The following ATP2B2 variants were observed in gnomAD, a reference collection of about 807,000 sequenced individuals.
The protein encoded by ATP2B2 is ATPase plasma membrane Ca2+ transporting 2, also known as plasma membrane calcium-transporting ATPase 2.
A neutral mutation model predicts 120.0 loss-of-function variants in ATP2B2; 15 were observed. The observed-to-expected ratio is 0.12, with a 90% CI of 0.08 to 0.19. The LOEUF is 0.19. ATP2B2 is among the 10% of genes least tolerant of loss of function. ATP2B2 has a pLI of 1.00. For synonymous variants in ATP2B2, 694 were observed against 700.3 expected (o/e 0.99, Z 0.14); for missense variants, 1,045 against 1,719.8 (o/e 0.61, Z 6.94).
chr3:10,326,954 G>A lies in ATP2B2; in HGVS notation c.*1860C>T, dbSNP rs1395504520. 1 of 398,484 alleles carries A rather than the reference G, an allele frequency of 2.5e-6. No individual in the cohort carries two copies. Among genetic ancestry groups the A allele is most frequent in the Non-Finnish European group, 4.4e-6 (1 of 226,066 alleles). 24.7% of individuals were successfully genotyped at this position (398,484 alleles called of 1,614,324 possible). A position where few individuals can be genotyped will look rare whatever the true frequency, so the allele number is the denominator to read the frequency against. On this transcript the variant is annotated 3_prime_UTR_variant, in exon 23 of 23. Coordinates refer to ENST00000360273, the MANE Select transcript of ATP2B2 (RefSeq NM_001001331.4). ...CAGCCATCGTGAGGAGGGTCAGCAT[G>A]AGGAATGGATTTTGCAAGAGAGGCG... is the stretch of plus-strand genomic sequence containing the variant.
In ATP2B2 at chr3:10,346,116, G is replaced by A; in HGVS notation, c.2426C>T (p.Thr809Ile). The A allele has an allele frequency of 6.2e-7, 1 of 1,611,690 alleles. No homozygotes were observed. The highest frequency in any genetic ancestry group is 8.5e-7 in the Non-Finnish European group (1 of 1,179,970). Residue 809 changes from threonine (T) to isoleucine (I), a missense_variant, in exon 17 of 23, where the codon ACT (threonine) becomes ATT (isoleucine). Around this residue, in one of 11 missense-constraint regions of ATP2B2, gnomAD observed 98 missense variants for 266.7 expected, o/e 0.37. Coordinates refer to ENST00000360273, the MANE Select transcript of ATP2B2 (RefSeq NM_001001331.4). This position sits in a 1 kb window ranked among gnomAD's most constrained non-coding sequence, Gnocchi z 4.1. ...CACGGCCACCACCTGCCGCTGCTCA[G>A]TGTGTGTGCTGTCGATGATGCCTGT... Reference protein sequence around the residue: ...LVKGIIDSTHTEQRQVVAVTG... With the variant: ...LVKGIIDSTHIEQRQVVAVTG...
rs145695465 is a variant in ATP2B2, at chr3:10,356,778, G to T, written c.2136+1913C>A. ...TGAGGCCTGAACCCATTAGTGGCTG[G>T]TAATGAGCAGGTGTCCCACAGGGAG... is the stretch of plus-strand genomic sequence containing the variant. On this transcript the variant is annotated intron_variant, in intron 14 of 22. Transcript: ENST00000360273. Among the ~76,000 whole-genome samples, 1,330 of 152,346 alleles carry T rather than the reference G, an allele frequency of 8.7e-3. 12 individuals carry two copies. Among genetic ancestry groups the T allele is most frequent in the Non-Finnish European group, 0.013 (865 of 68,028 alleles).
intron 1 of ATP2B2, among the ~76,000 whole-genome samples, chr3:10,707,217 G>C (rs1442643808): frequency 6.6e-6 from 1 of 152,218 alleles, no homozygotes. Flanking sequence ...AGGACCCACT[G>C]AATGTGGGAC....
chr3:10,343,009 C>T lies in ATP2B2; in HGVS notation c.2704-44G>A. On this transcript the variant is annotated intron_variant, in intron 18 of 22. Transcript: ENST00000360273. This position sits in a 1 kb window ranked among gnomAD's most constrained non-coding sequence, Gnocchi z 4.2. The stretch of plus-strand genomic sequence containing the variant: ...GGGCTGTCACCTGTGCGCCCACCTG[C>T]TGCTGTGAAGTGCTGGGCGGGCTCA... 1 of 1,596,918 alleles carries T rather than the reference C, an allele frequency of 6.3e-7. No homozygotes were observed.
chr3:10,573,592 A>G (rs1278834946), intron 2 of ATP2B2, among the ~76,000 whole-genome samples: 5 of 152,206 alleles, frequency 3.3e-5, no homozygotes. Context: ...TTTTGATCCC[A>G]GGCCTGGGAC....
chr3:10,362,854 A>G (rs2060941001), intron 12 of ATP2B2, among the ~76,000 whole-genome samples: 1 of 152,176 alleles, frequency 6.6e-6, no homozygotes, highest in Non-Finnish European at 1.5e-5. Context: ...TGCTATACAT[A>G]TATATACATA....
At chr3:10,495,280 G>A (rs962298462) in intron 1 of ATP2B2, among the ~76,000 whole-genome samples, 6 of 152,210 alleles carry the variant, frequency 3.9e-5, no homozygotes, top group Admixed American at 3.9e-4. Flanking sequence ...ACCATGGACA[G>A]GGTGCTGGGC....
chr3:10,484,754 A>G (rs28280), intron 1 of ATP2B2, among the ~76,000 whole-genome samples: 95,649 of 152,046 alleles, frequency 0.63, 30,641 homozygotes, highest in Non-Finnish European at 0.68. Flanking sequence ...GAAATCTTAC[A>G]CACCAGAGGC....
At chr3:10,632,152 G>C (rs146594420) in intron 1 of ATP2B2, among the ~76,000 whole-genome samples, 179 of 152,338 alleles carry the variant, frequency 1.2e-3, no homozygotes, top group Non-Finnish European at 2.3e-3. Flanking sequence ...GGTGGGCTTG[G>C]AGAGAGTTTT....
In ATP2B2 at chr3:10,379,223, G is replaced by T. The variant is rs201011470; in HGVS notation, c.1042+20C>A. The T allele has an allele frequency of 6.8e-6, 11 of 1,612,998 alleles. No homozygotes were observed. The highest frequency in any genetic ancestry group is 9.3e-6 in the Non-Finnish European group (11 of 1,179,430). On this transcript the variant is annotated intron_variant, in intron 9 of 22. Transcript: ENST00000360273. ...AGGGGCCTCAGGGACGACAAACGCC[G>T]GTTAAAACAAAAGGGTTACCTTTGC... is the stretch of plus-strand genomic sequence containing the variant.
chr3:10,523,541 T>C (rs969525763), intron 3 of ATP2B2, among the ~76,000 whole-genome samples: 14 of 152,326 alleles, frequency 9.2e-5, no homozygotes, highest in African/African-American at 3.4e-4. Context: ...GTTCCATAAA[T>C]TGCGAATCTT....
intron 5 of ATP2B2, among the ~76,000 whole-genome samples, chr3:10,399,403 T>C (rs2062147227): frequency 1.3e-5 from 2 of 152,356 alleles, no homozygotes; most frequent in African/African-American, 4.8e-5. Flanking sequence ...AATGCAACCT[T>C]TTCAGACAGG....
At chr3:10,378,514 G>A in intron 9 of ATP2B2, 104 bp from the exon 10 acceptor site, 1 of 1,489,704 alleles carries the variant, frequency 6.7e-7, no homozygotes, top group Non-Finnish European at 9.2e-7. Context: ...GCCTGCCCAG[G>A]GTAGGTGCTG....
chr3:10,603,655 C>G (rs1055484250), intron 2 of ATP2B2, among the ~76,000 whole-genome samples: 1 of 152,044 alleles, frequency 6.6e-6, no homozygotes, highest in African/African-American at 2.4e-5. Context: ...CCCCGGTAAC[C>G]CAGCTGTTCT....
At chr3:10,397,753 C>T (rs571941674) in intron 5 of ATP2B2, among the ~76,000 whole-genome samples, 3 of 152,094 alleles carry the variant, frequency 2.0e-5, no homozygotes, top group East Asian at 3.9e-4. Flanking sequence ...GCGCTGAATG[C>T]GGTGCCCATT....
chr3:10,344,399 C>T (rs1409065417), intron 18 of ATP2B2, among the ~76,000 whole-genome samples: 1 of 152,220 alleles, frequency 6.6e-6, no homozygotes, highest in African/African-American at 2.4e-5. Context: ...GCCACCCTCC[C>T]AAGGCTCCGA....
At chr3:10,580,406 A>T (rs2068361287) in intron 2 of ATP2B2, among the ~76,000 whole-genome samples, 1 of 152,144 alleles carries the variant, frequency 6.6e-6, no homozygotes, top group South Asian at 2.1e-4. Flanking sequence ...AGCACACAGA[A>T]CAGTGTGTGG....
At chr3:10,511,435 G>T (rs2066759684) in intron 3 of ATP2B2, among the ~76,000 whole-genome samples, 1 of 152,212 alleles carries the variant, frequency 6.6e-6, no homozygotes, top group Admixed American at 6.5e-5. Flanking sequence ...TGATTGAACT[G>T]ATAAATGCAG....
At chr3:10,599,586 C>A (rs1007715295) in intron 2 of ATP2B2, among the ~76,000 whole-genome samples, 1 of 152,120 alleles carries the variant, frequency 6.6e-6, no homozygotes, top group African/African-American at 2.4e-5. Context: ...CTGACAGGGG[C>A]TCAGGGAACC....
Sources: allele counts gnomAD v4.1 joint callset (sites outside exome capture counted in the v4.1 genomes callset), GRCh38; gene constraint gnomAD v4.1.1; regional missense constraint gnomAD v4.1.1; non-coding constraint Gnocchi (gnomAD v3.1); transcripts MANE v1.5; gene names NCBI Gene and HGNC (gene_info 2026-07-23, HGNC 2026-07-21).